Variants in HS6ST2 observed in about 807,000 individuals in gnomAD.
HS6ST2 encodes heparan sulfate 6-O-sulfotransferase 2, also known as heparan-sulfate 6-O-sulfotransferase 2.
Under a neutral mutation model 33.0 loss-of-function variants are expected in HS6ST2, and 17 were observed. That is an observed-to-expected ratio of 0.52 (90% CI 0.35 to 0.77). HS6ST2 has a LOEUF of 0.77. Among genes scored for constraint, HS6ST2 ranks in the 30% least tolerant of loss-of-function variants. The probability of loss-of-function intolerance (pLI) is 0.01; values close to 1 mark genes in which losing one functional copy is unlikely to be tolerated. For missense variants in HS6ST2, 519 were observed against 551.7 expected (o/e 0.94, Z 0.59); for synonymous variants, 248 against 237.1 (o/e 1.05, Z -0.42).
intron 3 of HS6ST2, among the ~76,000 whole-genome samples, chrX:132,690,143 C>T (rs1024683348): frequency 8.9e-6 from 1 of 112,309 alleles, no homozygotes; most frequent in African/African-American, 3.2e-5. Context: ...TATTTACAGA[C>T]ATTGAAATGC....
intron 4 of HS6ST2, among the ~76,000 whole-genome samples, chrX:132,634,852 T>C (rs1308033857): frequency 9.0e-6 from 1 of 111,167 alleles, no homozygotes; most frequent in African/African-American, 3.3e-5. Flanking sequence ...GGTATATAAC[T>C]CAGGAAAGGC....
chrX:132,692,075 T>A lies in HS6ST2; in HGVS notation c.980+16387A>T, dbSNP rs1219958431. Among the ~76,000 whole-genome samples the A allele has an allele frequency of 5.4e-5, 6 of 112,148 alleles. No individual in the cohort carries two copies. The Admixed American group carries it at 5.7e-4, about 11-fold the overall frequency. On this transcript the variant is annotated intron_variant, in intron 3 of 4. Transcript: ENST00000370833. ...AGTTGTTTATAGAACAATTTATGGTTACAATTTCAATGGCTGATTACTTGA... is the reference window on the plus strand; with the variant it reads ...AGTTGTTTATAGAACAATTTATGGTAACAATTTCAATGGCTGATTACTTGA...
At chrX:132,631,710 C>T (rs1192162564) in intron 4 of HS6ST2, among the ~76,000 whole-genome samples, 1 of 111,549 alleles carries the variant, frequency 9.0e-6, no homozygotes, top group Non-Finnish European at 1.9e-5. Flanking sequence ...GGTGTTCTAA[C>T]CCCCCAAAAT....
chrX:132,741,539 C>T lies in HS6ST2; in HGVS notation c.948-33045G>A, dbSNP rs751650200. 6.3e-5 allele frequency among the ~76,000 whole-genome samples: 7 copies of T among 111,034 alleles called. No individual in the cohort carries two copies. The South Asian group carries it at 1.5e-3, about 24-fold the overall frequency. ...TCAAGTGATCCGCCCACCTCAGTAT[C>T]CCAAAGTGCTGGGATTACAGGCATG... is the stretch of plus-strand genomic sequence containing the variant. On this transcript the variant is annotated intron_variant, in intron 2 of 4. Transcript: ENST00000370833.
intron 2 of HS6ST2, among the ~76,000 whole-genome samples, chrX:132,741,083 C>A (rs1266053339): frequency 9.0e-6 from 1 of 111,612 alleles, no homozygotes; most frequent in Non-Finnish European, 1.9e-5. Flanking sequence ...GTACTGCATG[C>A]TTCTGGGAGA....
chrX:132,912,026 G>C (rs1057020187), intron 2 of HS6ST2, among the ~76,000 whole-genome samples: 3 of 112,042 alleles, frequency 2.7e-5, no homozygotes, highest in African/African-American at 9.7e-5. Context: ...ACAGACTCTG[G>C]AATCAGACAA....
chrX:132,932,472 A>G (rs1222060248), intron 2 of HS6ST2, among the ~76,000 whole-genome samples: 4 of 111,913 alleles, frequency 3.6e-5, no homozygotes, highest in Non-Finnish European at 5.6e-5. Context: ...TTTTAGTAAA[A>G]TAGTTCAGAC....
At chrX:132,722,446 C>A (rs1200558831) in intron 2 of HS6ST2, among the ~76,000 whole-genome samples, 39 of 110,973 alleles carry the variant, frequency 3.5e-4, no homozygotes, top group African/African-American at 1.2e-3. Flanking sequence ...GAAAACTTTT[C>A]ATGATTAAAG....
intron 4 of HS6ST2, among the ~76,000 whole-genome samples, chrX:132,650,817 C>T (rs1253738087): frequency 9.1e-6 from 1 of 109,631 alleles, no homozygotes; most frequent in Non-Finnish European, 1.9e-5. Flanking sequence ...CTCTATCGCC[C>T]AGGCTGGAGT....
chrX:132,629,117 A>G (rs2063499738), intron 4 of HS6ST2, 24 bp from the exon 5 acceptor site: 2 of 1,169,833 alleles, frequency 1.7e-6, no homozygotes, highest in Admixed American at 2.4e-5. Flanking sequence ...ACAAAAACCA[A>G]CAGTCAGAGA....
In HS6ST2 at chrX:132,954,114, GT is replaced by G. The variant is rs766215918; in HGVS notation, c.947+2693del. ...TGGCCTCTTGCTGAAGATGGTGCAG[GT>G]TTACAGAGGAATACCAGAGATAAGG... is the stretch of plus-strand genomic sequence containing the variant. On this transcript the variant is annotated intron_variant, in intron 2 of 4. Coordinates refer to ENST00000370833, the MANE Select transcript of HS6ST2 (RefSeq NM_001394073.1). 5.3e-5 allele frequency among the ~76,000 whole-genome samples: 6 copies of G among 112,291 alleles called. No individual in the cohort carries two copies. In the Admixed American group the frequency reaches 5.6e-4, roughly 11 times the overall value.
At chrX:132,630,815 C>G (rs144709064) in intron 4 of HS6ST2, among the ~76,000 whole-genome samples, 1 of 109,921 alleles carries the variant, frequency 9.1e-6, no homozygotes, top group Non-Finnish European at 1.9e-5. Flanking sequence ...TGTGGTTGTG[C>G]GCTCCCGTAA....
chrX:132,789,671 C>T (rs2065100149), intron 2 of HS6ST2, among the ~76,000 whole-genome samples: 1 of 112,524 alleles, frequency 8.9e-6, no homozygotes. Context: ...ATCTACCACT[C>T]TAGATGTCAT....
chrX:132,762,700 AGCT>A (rs1263719025), intron 2 of HS6ST2, among the ~76,000 whole-genome samples: 1 of 111,623 alleles, frequency 9.0e-6, no homozygotes, highest in Non-Finnish European at 1.9e-5. Flanking sequence ...GCATCATGTC[AGCT>A]GCTAATGACC....
intron 2 of HS6ST2, among the ~76,000 whole-genome samples, chrX:132,893,017 T>C (rs1318152215): frequency 8.9e-6 from 1 of 112,616 alleles, no homozygotes; most frequent in Admixed American, 9.5e-5. Flanking sequence ...GTTTTATTGC[T>C]TTTTATTTGA....
At chrX:132,746,978 G>A (rs2064651399) in intron 2 of HS6ST2, among the ~76,000 whole-genome samples, 1 of 112,141 alleles carries the variant, frequency 8.9e-6, no homozygotes, top group African/African-American at 3.2e-5. Context: ...TGTTACCATG[G>A]GAATCTGAGT....
At chrX:132,708,570 T>C in intron 2 of HS6ST2, 76 bp from the exon 3 acceptor site, 4 of 933,583 alleles carry the variant, frequency 4.3e-6, no homozygotes, top group Non-Finnish European at 6.0e-6. Flanking sequence ...AAGTTTTCCA[T>C]TGTGCTTTAA....
At chrX:132,822,082 A>T (rs921112678) in intron 2 of HS6ST2, among the ~76,000 whole-genome samples, 2 of 111,893 alleles carry the variant, frequency 1.8e-5, no homozygotes, top group Admixed American at 9.5e-5. Flanking sequence ...TAATAACCCT[A>T]GGAGTAGGTA....
At chrX:132,633,035 C>A (rs2063528753) in intron 4 of HS6ST2, among the ~76,000 whole-genome samples, 1 of 102,730 alleles carries the variant, frequency 9.7e-6, no homozygotes. Flanking sequence ...ATGGTATCAC[C>A]ACTGCACTCC....
Sources: gnomAD v4.1 joint callset for allele counts (sites outside exome capture counted in the v4.1 genomes callset) on GRCh38, gnomAD v4.1.1 for gene constraint, MANE v1.5 for transcripts, NCBI Gene and HGNC (gene_info 2026-07-23, HGNC 2026-07-21) for gene names.